MAGI2: variants seen among roughly 807,000 people sequenced by gnomAD.
MAGI2 encodes membrane-associated guanylate kinase, WW and PDZ domain-containing protein 2.
In MAGI2, 35 loss-of-function variants were observed where a neutral mutation model predicts 133.3. The ratio of observed to expected loss-of-function variants is 0.26; its 90% CI spans 0.20 to 0.35. The LOEUF (loss-of-function observed/expected upper bound fraction) is 0.35. Ranked by LOEUF, MAGI2 falls within the 10% of genes least tolerant of loss-of-function variation. The probability of loss-of-function intolerance (pLI) is 1.00; values close to 1 mark genes in which losing one functional copy is unlikely to be tolerated. For missense variants in MAGI2, 1,636 were observed against 1,863.4 expected (o/e 0.88, Z 2.25); for synonymous variants, 729 against 710.6 (o/e 1.03, Z -0.41).
chr7:79,249,734 A>C (rs185466734), intron 1 of MAGI2, among the ~76,000 whole-genome samples: 40 of 152,254 alleles, frequency 2.6e-4, no homozygotes, highest in African/African-American at 8.4e-4. Context: ...GAAGAACTAA[A>C]ACCAATCCTA....
chr7:78,197,475 A>C (rs1299288967), intron 11 of MAGI2, among the ~76,000 whole-genome samples: 2 of 152,216 alleles, frequency 1.3e-5, no homozygotes, highest in Non-Finnish European at 2.9e-5. Context: ...TTGCTGGTAT[A>C]TGTATTGTTC....
intron 10 of MAGI2, chr7:78,252,800 A>C (rs961403234): frequency 6.6e-6 from 1 of 151,946 alleles, no homozygotes; most frequent in Non-Finnish European, 1.5e-5. Context: ...AATTAGCCAG[A>C]TGTGGTGGCA....
chr7:78,226,437 T>C (rs1463155762), intron 10 of MAGI2, among the ~76,000 whole-genome samples: 2 of 152,202 alleles, frequency 1.3e-5, no homozygotes, highest in Admixed American at 6.5e-5. Flanking sequence ...ATTTCAACTT[T>C]ATAGCTGAGC....
intron 2 of MAGI2, among the ~76,000 whole-genome samples, chr7:78,791,706 C>T (rs984090869): frequency 3.3e-5 from 5 of 151,960 alleles, no homozygotes; most frequent in South Asian, 2.1e-4. Flanking sequence ...CACGCCACCA[C>T]GCCTGGCTAA....
intron 1 of MAGI2, among the ~76,000 whole-genome samples, chr7:79,155,474 G>C (rs1306772172): frequency 2.0e-5 from 3 of 152,192 alleles, no homozygotes; most frequent in African/African-American, 7.2e-5. Context: ...ATTACACATT[G>C]AGAGAAGTAT....
Position 79,376,840 on chromosome 7 carries a change from G to GA in MAGI2, c.301+76179_301+76180insT, listed in dbSNP as rs370199404. Among the ~76,000 whole-genome samples the GA allele has an allele frequency of 8.0e-3, 1,156 of 145,288 alleles. 8 individuals carry two copies. The highest frequency in any genetic ancestry group is 0.031 in the African/African-American group (1,109 of 36,170). On this transcript the variant is annotated intron_variant, in intron 1 of 21. Transcript: ENST00000354212. ...TTTGTGTGTGTGTGTGTGTGTGTGTGGGTGTATGGCGTGTGTATTCAACAC... is the reference window on the plus strand; with the variant it reads ...TTTGTGTGTGTGTGTGTGTGTGTGTGAGGTGTATGGCGTGTGTATTCAACAC...
chr7:79,216,741 CT>C (rs1009467014), intron 1 of MAGI2, among the ~76,000 whole-genome samples: 4 of 152,032 alleles, frequency 2.6e-5, no homozygotes, highest in Non-Finnish European at 5.9e-5. Flanking sequence ...ACATTAATAA[CT>C]TTTTTCCTAA....
intron 2 of MAGI2, among the ~76,000 whole-genome samples, chr7:78,792,177 C>G (rs1010781645): frequency 6.6e-5 from 10 of 152,064 alleles, no homozygotes; most frequent in African/African-American, 2.2e-4. Flanking sequence ...CAGACTTTAT[C>G]CCTGCTGGCT....
intron 1 of MAGI2, among the ~76,000 whole-genome samples, chr7:79,085,847 G>T (rs988950196): frequency 2.0e-5 from 3 of 151,828 alleles, no homozygotes; most frequent in African/African-American, 7.3e-5. Context: ...TTCCATGAGG[G>T]CCTTTTTGTA....
chr7:79,186,755 A>ATATATATATATATATATACACAAG (rs1827194889), intron 1 of MAGI2, among the ~76,000 whole-genome samples: 3 of 24,652 alleles, frequency 1.2e-4, no homozygotes, highest in Non-Finnish European at 1.0e-3. Flanking sequence ...ACAAAAGTAT[A>ATATATATATATATATATACACAAG]TATATATATA....
At chr7:79,307,382 A>C (rs2129560273) in intron 1 of MAGI2, among the ~76,000 whole-genome samples, 1 of 152,284 alleles carries the variant, frequency 6.6e-6, no homozygotes, top group South Asian at 2.1e-4. Context: ...AGAGTTAGTG[A>C]TACTTAGGAG....
chr7:78,810,387 A>G (rs957244688), intron 2 of MAGI2, among the ~76,000 whole-genome samples: 3 of 152,140 alleles, frequency 2.0e-5, no homozygotes, highest in Admixed American at 2.0e-4. Context: ...TAAAAATTAC[A>G]ATTACAACAA....
chr7:78,276,601 A>G (rs888338932), intron 9 of MAGI2, among the ~76,000 whole-genome samples: 2 of 150,728 alleles, frequency 1.3e-5, no homozygotes, highest in Non-Finnish European at 2.9e-5. Context: ...AGATGCATGA[A>G]CACTAATTTT....
chr7:78,086,705 G>A (rs906981302), intron 20 of MAGI2, among the ~76,000 whole-genome samples: 11 of 151,404 alleles, frequency 7.3e-5, no homozygotes, highest in African/African-American at 2.4e-4. Flanking sequence ...CGTGACCTCG[G>A]CTCGCTGCAA....
chr7:79,154,922 C>A (rs1390202134), intron 1 of MAGI2, among the ~76,000 whole-genome samples: 1 of 152,208 alleles, frequency 6.6e-6, no homozygotes, highest in Non-Finnish European at 1.5e-5. Context: ...CCATTTGAAT[C>A]TATTTTGCGC....
At chr7:79,332,346 GC>G (rs1359672494) in intron 1 of MAGI2, among the ~76,000 whole-genome samples, 1 of 152,204 alleles carries the variant, frequency 6.6e-6, no homozygotes, top group African/African-American at 2.4e-5. Context: ...GTAAGCAACT[GC>G]AATAATCCAA....
intron 2 of MAGI2, among the ~76,000 whole-genome samples, chr7:78,837,927 C>T (rs1274250680): frequency 6.6e-6 from 1 of 152,104 alleles, no homozygotes; most frequent in Non-Finnish European, 1.5e-5. Context: ...TTCAACATCT[C>T]AATAACAGCC....
intron 4 of MAGI2, among the ~76,000 whole-genome samples, chr7:78,504,002 G>A (rs930334724): frequency 6.6e-6 from 1 of 151,886 alleles, no homozygotes; most frequent in Admixed American, 6.6e-5. Flanking sequence ...AATAAATTCT[G>A]GATAATATAG....
At chr7:79,445,187 T>C (rs1389887643) in intron 1 of MAGI2, among the ~76,000 whole-genome samples, 1 of 152,162 alleles carries the variant, frequency 6.6e-6, no homozygotes, top group Non-Finnish European at 1.5e-5. Flanking sequence ...AAGACTTAAA[T>C]GTTAGACCTA....
Sources: gnomAD v4.1 joint callset for allele counts (sites outside exome capture counted in the v4.1 genomes callset) on GRCh38, gnomAD v4.1.1 for gene constraint, MANE v1.5 for transcripts, NCBI Gene and HGNC (gene_info 2026-07-23, HGNC 2026-07-21) for gene names.